The following HIGD1C variants were observed in gnomAD, a reference collection of about 807,000 sequenced individuals.
HIGD1C encodes HIG1 domain family member 1C.
A neutral mutation model predicts 13.1 loss-of-function variants in HIGD1C; 11 were observed. The ratio of observed to expected loss-of-function variants is 0.84; its 90% CI spans 0.53 to 1.39. The LOEUF (loss-of-function observed/expected upper bound fraction) is 1.39. Ranked by LOEUF, HIGD1C falls within the 40% of genes most tolerant of loss-of-function variation. The probability of loss-of-function intolerance (pLI) is 0.00; values close to 1 mark genes in which losing one functional copy is unlikely to be tolerated. For synonymous variants in HIGD1C, 36 were observed against 37.7 expected (o/e 0.95, Z 0.17); for missense variants, 110 against 112.0 (o/e 0.98, Z 0.08).
intron 1 of HIGD1C, 42 bp from the exon 4 acceptor site, chr12:50,960,926 T>G: frequency 6.6e-7 from 1 of 1,519,330 alleles, no homozygotes; most frequent in Non-Finnish European, 8.9e-7. Flanking sequence ...ACGATGCTCC[T>G]GCCTCAGCCT....
intron 1 of HIGD1C, among the ~76,000 whole-genome samples, chr12:50,957,937 GGTGTGTGT>G (rs71089717): frequency 0.084 from 11,151 of 132,400 alleles, 552 homozygotes; most frequent in South Asian, 0.11. Flanking sequence ...ATGAATTGGA[GGTGTGTGT>G]GTGTGTGTGT....
chr12:50,970,569 A>G, downstream of HIGD1C: 1 of 979,546 alleles, frequency 1.0e-6, no homozygotes, highest in South Asian at 1.4e-5. Flanking sequence ...ATGAAGAATA[A>G]ATTTTCAATA....
chr12:50,960,455 C>A (rs1384189486), intron 1 of HIGD1C, among the ~76,000 whole-genome samples: 1 of 152,170 alleles, frequency 6.6e-6, no homozygotes, highest in African/African-American at 2.4e-5. Context: ...CAAGTTACTA[C>A]ACTATATGGT....
intron 2 of HIGD1C, among the ~76,000 whole-genome samples, chr12:50,966,467 A>G (rs1370306405): frequency 6.6e-6 from 1 of 152,174 alleles, no homozygotes; most frequent in Non-Finnish European, 1.5e-5. Flanking sequence ...GCCTAACAGC[A>G]TCCCTGGTCT....
At chr12:50,966,249 C>T (rs938487192) in intron 2 of HIGD1C, among the ~76,000 whole-genome samples, 2 of 152,194 alleles carry the variant, frequency 1.3e-5, no homozygotes, top group African/African-American at 2.4e-5. Flanking sequence ...ACAGTCACCA[C>T]AGGACTCTTG....
At chr12:50,947,214 G>A in the HIGD1C span, among the ~76,000 whole-genome samples, 1 of 152,160 alleles carries the variant, frequency 6.6e-6, no homozygotes, top group East Asian at 1.9e-4. Context: ...CCTGTCACTT[G>A]TATTAGTTTC....
chr12:50,954,276 T>C, intron 1 of HIGD1C, 184 bp downstream of exon 3: 1 of 464,012 alleles, frequency 2.2e-6, no homozygotes, highest in Non-Finnish European at 3.8e-6. Context: ...CCAGTAAATG[T>C]TAGCTGTTAT....
the HIGD1C span, among the ~76,000 whole-genome samples, chr12:50,944,732 T>C: frequency 6.6e-6 from 1 of 151,948 alleles, no homozygotes; most frequent in Non-Finnish European, 1.5e-5. Context: ...ACTGAAAATA[T>C]AAAAATTAGC....
the HIGD1C span, among the ~76,000 whole-genome samples, chr12:50,936,501 T>C: frequency 6.6e-6 from 1 of 152,148 alleles, no homozygotes; most frequent in Non-Finnish European, 1.5e-5. Context: ...AGAAAACAGA[T>C]TTGCATATTT....
At chr12:50,954,476 C>A (rs141788005) in intron 1 of HIGD1C, 86 of 158,644 alleles carry the variant, frequency 5.4e-4, no homozygotes, top group African/African-American at 1.9e-3. Flanking sequence ...GCATATGTCT[C>A]TTTGTCTTGT....
At chr12:50,970,911 C>A (rs1356735173), downstream of HIGD1C, among the ~76,000 whole-genome samples, 1 of 151,912 alleles carries the variant, frequency 6.6e-6, no homozygotes, top group Non-Finnish European at 1.5e-5. Context: ...TGGAGTCTTA[C>A]TCTGTTGCCC....
At chr12:50,965,881 A>G (rs1160141347) in intron 2 of HIGD1C, among the ~76,000 whole-genome samples, 2 of 152,158 alleles carry the variant, frequency 1.3e-5, no homozygotes, top group Non-Finnish European at 2.9e-5. Context: ...TCTTCATTCA[A>G]GGGATTTCTG....
At chr12:50,948,480 A>G in the HIGD1C span, among the ~76,000 whole-genome samples, 206 of 152,258 alleles carry the variant, frequency 1.4e-3, 1 homozygote, top group African/African-American at 4.7e-3. Flanking sequence ...AAAACCTTGT[A>G]GGGAAATCTG....
At chr12:50,964,502 C>A (rs536108079) in intron 2 of HIGD1C, among the ~76,000 whole-genome samples, 1 of 152,230 alleles carries the variant, frequency 6.6e-6, no homozygotes, top group East Asian at 1.9e-4. Flanking sequence ...ATGTTCAGAA[C>A]AAATTAATAT....
intron 1 of HIGD1C, among the ~76,000 whole-genome samples, chr12:50,956,460 A>G (rs1939099159): frequency 6.6e-6 from 1 of 152,236 alleles, no homozygotes; most frequent in Admixed American, 6.5e-5. Context: ...AATATCTACT[A>G]TGTATTTTCC....
chr12:50,954,474 CTCTT>C (rs1382769532), intron 1 of HIGD1C: 1 of 159,168 alleles, frequency 6.3e-6, no homozygotes, highest in African/African-American at 2.4e-5. Flanking sequence ...ATGCATATGT[CTCTT>C]TGTCTTGTAA....
upstream of HIGD1C, among the ~76,000 whole-genome samples, chr12:50,952,059 ATTT>A (rs141699945): frequency 0.15 from 20,795 of 136,608 alleles, 1,586 homozygotes; most frequent in South Asian, 0.25. Context: ...TAGACCAGAA[ATTT>A]TTTTTTTTTT....
upstream of HIGD1C, among the ~76,000 whole-genome samples, chr12:50,951,679 G>C (rs1406678961): frequency 6.6e-6 from 1 of 151,992 alleles, no homozygotes; most frequent in Non-Finnish European, 1.5e-5. Context: ...AGCACTTTTG[G>C]GAGGCCAAGG....
chr12:50,946,194 CA>C, the HIGD1C span, among the ~76,000 whole-genome samples: 36 of 152,090 alleles, frequency 2.4e-4, no homozygotes, highest in Non-Finnish European at 4.6e-4. Context: ...TCTAAACCAC[CA>C]AAAGCAATGG....
Sources: gnomAD v4.1 joint callset for allele counts (sites outside exome capture counted in the v4.1 genomes callset) on GRCh38, gnomAD v4.1.1 for gene constraint, MANE v1.5 for transcripts, NCBI Gene and HGNC (gene_info 2026-07-23, HGNC 2026-07-21) for gene names.